ENTREP2: variants seen among roughly 807,000 people sequenced by gnomAD.
The protein encoded by ENTREP2 is endosomal transmembrane epsin interactor 2.
the ENTREP2 span, among the ~76,000 whole-genome samples, chr15:29,384,613 C>G: frequency 6.6e-6 from 1 of 152,188 alleles, no homozygotes; most frequent in Non-Finnish European, 1.5e-5. Flanking sequence ...CTCTGGGCAC[C>G]TCCAGGGAGG....
chr15:29,327,314 G>A, the ENTREP2 span, among the ~76,000 whole-genome samples: 1 of 152,120 alleles, frequency 6.6e-6, no homozygotes, highest in African/African-American at 2.4e-5. Flanking sequence ...AGGTGGCTGG[G>A]CGCGGTGGCT....
At chr15:29,570,369 C>T in the ENTREP2 span, 1 of 449,920 alleles carries the variant, frequency 2.2e-6, no homozygotes, top group Non-Finnish European at 3.5e-6. Context: ...AACTGCGCCC[C>T]GCGCTGCAGC....
At chr15:29,577,103 G>A in the ENTREP2 span, among the ~76,000 whole-genome samples, 3 of 151,662 alleles carry the variant, frequency 2.0e-5, no homozygotes, top group Admixed American at 1.3e-4. Flanking sequence ...CACCAGACCT[G>A]GCCAGCTATA....
the ENTREP2 span, among the ~76,000 whole-genome samples, chr15:29,420,004 C>G: frequency 2.6e-3 from 402 of 152,228 alleles, no homozygotes; most frequent in Non-Finnish European, 4.6e-3. Flanking sequence ...TGCGACCAAA[C>G]TTTGGAAGTT....
the ENTREP2 span, among the ~76,000 whole-genome samples, chr15:29,602,159 G>C: frequency 6.6e-6 from 1 of 152,196 alleles, no homozygotes; most frequent in Non-Finnish European, 1.5e-5. Context: ...GTCTTCACAA[G>C]TCCAGTGTAA....
chr15:29,444,497 T>C, the ENTREP2 span, among the ~76,000 whole-genome samples: 1 of 150,912 alleles, frequency 6.6e-6, no homozygotes, highest in Admixed American at 6.6e-5. Flanking sequence ...TTTTTTTTTC[T>C]TTTCTGTCAC....
At chr15:29,470,692 G>C in the ENTREP2 span, among the ~76,000 whole-genome samples, 2 of 152,318 alleles carry the variant, frequency 1.3e-5, no homozygotes, top group East Asian at 3.9e-4. Flanking sequence ...TCCTGACAGT[G>C]GCCAGCTCGG....
chr15:29,535,355 T>A, the ENTREP2 span, among the ~76,000 whole-genome samples: 2 of 151,060 alleles, frequency 1.3e-5, no homozygotes, highest in Non-Finnish European at 2.9e-5. Flanking sequence ...AATAAAATGG[T>A]GTGATAAAAG....
the ENTREP2 span, among the ~76,000 whole-genome samples, chr15:29,618,196 G>T: frequency 3.3e-5 from 5 of 152,048 alleles, no homozygotes; most frequent in African/African-American, 1.2e-4. Context: ...GGCCGAGTCG[G>T]GCAGATCACA....
the ENTREP2 span, among the ~76,000 whole-genome samples, chr15:29,217,188 TGCCACAGTATCTTA>T: frequency 6.6e-6 from 1 of 152,204 alleles, no homozygotes; most frequent in Non-Finnish European, 1.5e-5. Flanking sequence ...GGATACAGCT[TGCCACAGTATCTTA>T]TCAGTTAATT....
chr15:29,510,664 GGGCATGGT>G, the ENTREP2 span, among the ~76,000 whole-genome samples: 17 of 152,030 alleles, frequency 1.1e-4, no homozygotes, highest in South Asian at 3.5e-3. Flanking sequence ...AAAATTAGCC[GGGCATGGT>G]GGCTGGCACC....
At chr15:29,637,706 C>A in the ENTREP2 span, among the ~76,000 whole-genome samples, 1 of 152,130 alleles carries the variant, frequency 6.6e-6, no homozygotes, top group African/African-American at 2.4e-5. Context: ...CTCAGGTGGG[C>A]AGAACCAGAA....
At chr15:29,283,364 T>C in the ENTREP2 span, among the ~76,000 whole-genome samples, 1 of 152,204 alleles carries the variant, frequency 6.6e-6, no homozygotes, top group African/African-American at 2.4e-5. Context: ...TTCTTTTTTT[T>C]TGGAGACAGA....
chr15:29,549,268 G>A, the ENTREP2 span, among the ~76,000 whole-genome samples: 1 of 130,726 alleles, frequency 7.6e-6, no homozygotes, highest in African/African-American at 3.1e-5. Context: ...AACTAGATTT[G>A]TTATACATTT....
the ENTREP2 span, among the ~76,000 whole-genome samples, chr15:29,229,233 A>T: frequency 6.6e-6 from 1 of 152,170 alleles, no homozygotes; most frequent in Non-Finnish European, 1.5e-5. Flanking sequence ...GAAACTTATT[A>T]AATGTACTAC....
chr15:29,578,024 T>C, the ENTREP2 span, among the ~76,000 whole-genome samples: 2 of 152,182 alleles, frequency 1.3e-5, no homozygotes, highest in Non-Finnish European at 2.9e-5. Flanking sequence ...CTTGCACAAC[T>C]ATGGGAATGT....
At chr15:29,151,843 T>C in the ENTREP2 span, 1 of 1,550,152 alleles carries the variant, frequency 6.5e-7, no homozygotes, top group Non-Finnish European at 8.7e-7. Flanking sequence ...GAGGAGATCC[T>C]GCGAGGAAAG....
At chr15:29,509,485 G>A in the ENTREP2 span, among the ~76,000 whole-genome samples, 11 of 152,054 alleles carry the variant, frequency 7.2e-5, no homozygotes, top group African/African-American at 2.4e-4. Flanking sequence ...AGGGCATCAC[G>A]CTACCTGACT....
chr15:29,128,685 G>A, the ENTREP2 span: 1 of 878,958 alleles, frequency 1.1e-6, no homozygotes, highest in East Asian at 2.6e-5. Context: ...GAGGGAGGAG[G>A]AGGAAAAAGA....
Sources: allele counts gnomAD v4.1 joint callset (sites outside exome capture counted in the v4.1 genomes callset), GRCh38; gene constraint gnomAD v4.1.1; transcripts MANE v1.5; gene names NCBI Gene and HGNC (gene_info 2026-07-23, HGNC 2026-07-21).